The following RCOR1 variants were observed in gnomAD, a reference collection of about 807,000 sequenced individuals.
RCOR1 encodes the protein REST corepressor 1, also known as REST corepressor.
Under a neutral mutation model 64.0 loss-of-function variants are expected in RCOR1, and 12 were observed. The observed-to-expected ratio is 0.19, with a 90% CI of 0.12 to 0.30. The LOEUF is 0.30. Ranked by LOEUF, RCOR1 falls within the 10% of genes least tolerant of loss-of-function variation. The probability of loss-of-function intolerance (pLI) is 1.00; values close to 1 mark genes in which losing one functional copy is unlikely to be tolerated. For synonymous variants in RCOR1, 279 were observed against 227.2 expected (o/e 1.23, Z -2.05); for missense variants, 502 against 621.2 (o/e 0.81, Z 2.04).
chr14:102,618,443 C>A (rs751848967), intron 2 of RCOR1, among the ~76,000 whole-genome samples: 10 of 151,692 alleles, frequency 6.6e-5, no homozygotes, highest in Non-Finnish European at 1.3e-4. Context: ...GAGACCATGT[C>A]TTCAGGGGGA....
chr14:102,619,192 G>A (rs1893822545), intron 2 of RCOR1, among the ~76,000 whole-genome samples: 1 of 151,682 alleles, frequency 6.6e-6, no homozygotes, highest in South Asian at 2.1e-4. Context: ...TGCAATCTTG[G>A]TTCATTGCAA....
intron 7 of RCOR1, among the ~76,000 whole-genome samples, chr14:102,712,014 T>C (rs1895970395): frequency 6.6e-6 from 1 of 151,900 alleles, no homozygotes. Context: ...ATTTTTTTTT[T>C]CTCTTTTTTC....
rs951660698 is a variant in RCOR1, at chr14:102,657,827, G to C, written c.362-24068G>C. 145 of 900,830 alleles carry C rather than the reference G, an allele frequency of 1.6e-4. No individual in the cohort carries two copies. In the Admixed American group the frequency reaches 2.2e-3, roughly 14 times the overall value. The allele number at this position is 900,830 out of a possible 1,614,324, so 55.8% of individuals were successfully genotyped here. ...CACTCCAGCCTGGGCGACAGAGTGA[G>C]ACTCCGTCTCAAAAAAAAAAAAAAA... On this transcript the variant is annotated intron_variant, in intron 2 of 11. Coordinates refer to ENST00000262241, the MANE Select transcript of RCOR1 (RefSeq NM_015156.4).
At chr14:102,685,923 A>G (rs1313067819) in intron 3 of RCOR1, among the ~76,000 whole-genome samples, 3 of 151,958 alleles carry the variant, frequency 2.0e-5, no homozygotes, top group African/African-American at 7.2e-5. Flanking sequence ...TCTCCCCTCT[A>G]TTAAAAAAAA....
chr14:102,652,036 GTTTA>G (rs763034368), intron 2 of RCOR1, among the ~76,000 whole-genome samples: 2 of 152,242 alleles, frequency 1.3e-5, no homozygotes, highest in Admixed American at 6.5e-5. Context: ...TTTTATTTTT[GTTTA>G]TTTAATTTGC....
At chr14:102,618,904 A>G (rs1419067244) in intron 2 of RCOR1, among the ~76,000 whole-genome samples, 1 of 152,122 alleles carries the variant, frequency 6.6e-6, no homozygotes, top group East Asian at 1.9e-4. Context: ...AGTGAAGGAA[A>G]GACATTTCAG....
rs1332671139 is a variant in RCOR1, at chr14:102,653,975, C to CT, written c.362-27917dup. On this transcript the variant is annotated intron_variant, in intron 2 of 11. Transcript: ENST00000262241. ...TCTTTCTTTCTTTCTTTCTTTCTTT[C>CT]TTTCTTTCTTTTTTTTTTTTTTTTT... 1.3e-4 allele frequency among the ~76,000 whole-genome samples: 4 copies of CT among 30,292 alleles called. 1 individual carries two copies. Among genetic ancestry groups the CT allele is most frequent in the African/African-American group, 8.6e-4 (4 of 4,630 alleles). The allele number at this position is 30,292 out of a possible 152,430, so 19.9% of individuals were successfully genotyped here. A position where few individuals can be genotyped will look rare whatever the true frequency, so the allele number is the denominator to read the frequency against.
chr14:102,677,948 C>G (rs1173715806), intron 2 of RCOR1, among the ~76,000 whole-genome samples: 1 of 151,764 alleles, frequency 6.6e-6, no homozygotes, highest in East Asian at 2.0e-4. Context: ...TCTGCAATCC[C>G]GGCACCTCGG....
intron 2 of RCOR1, among the ~76,000 whole-genome samples, chr14:102,652,311 A>C (rs1369022480): frequency 6.6e-6 from 1 of 152,214 alleles, no homozygotes; most frequent in Non-Finnish European, 1.5e-5. Flanking sequence ...CAGGACTGTT[A>C]TGCTACACCA....
At chr14:102,685,128 T>C (rs989808381) in intron 3 of RCOR1, among the ~76,000 whole-genome samples, 22 of 152,006 alleles carry the variant, frequency 1.4e-4, no homozygotes, top group Non-Finnish European at 2.9e-5. Context: ...TTCTGCCTCT[T>C]AGGGTTACTG....
chr14:102,703,546 T>C (rs1895789437), intron 4 of RCOR1, among the ~76,000 whole-genome samples: 1 of 152,198 alleles, frequency 6.6e-6, no homozygotes, highest in South Asian at 2.1e-4. Context: ...GGCAATGGTC[T>C]GATATATTCA....
intron 2 of RCOR1, among the ~76,000 whole-genome samples, chr14:102,611,183 T>C (rs1156617661): frequency 1.3e-5 from 2 of 152,142 alleles, no homozygotes; most frequent in Non-Finnish European, 2.9e-5. Context: ...GCGATTCTCC[T>C]GTCTCAGCCT....
intron 6 of RCOR1, 37 bp from the exon 7 acceptor site, chr14:102,710,898 C>T (rs1337826435): frequency 6.8e-7 from 1 of 1,461,634 alleles, no homozygotes; most frequent in Admixed American, 2.0e-5. Context: ...AAAATTAGTA[C>T]AAAATAATCA....
intron 2 of RCOR1, among the ~76,000 whole-genome samples, chr14:102,617,961 CT>C (rs869074425): frequency 7.0e-4 from 95 of 135,428 alleles, no homozygotes; most frequent in African/African-American, 2.3e-3. Flanking sequence ...ACATAAGTTT[CT>C]TTTTTTTTTC....
intron 2 of RCOR1, among the ~76,000 whole-genome samples, chr14:102,660,827 C>T (rs550244116): frequency 6.6e-6 from 1 of 152,044 alleles, no homozygotes; most frequent in Non-Finnish European, 1.5e-5. Context: ...TAATTTTCAT[C>T]CTTTCATCTA....
chr14:102,730,500 T>C lies in RCOR1; in HGVS notation c.*3994T>C, dbSNP rs561148782. 6.5e-6 allele frequency: 1 copy of C among 153,108 alleles called. No homozygotes were observed. Among genetic ancestry groups the C allele is most frequent in the South Asian group, 2.1e-4 (1 of 4,824 alleles). 9.5% of individuals were successfully genotyped at this position (153,108 alleles called of 1,614,324 possible). A position where few individuals can be genotyped will look rare whatever the true frequency, so the allele number is the denominator to read the frequency against. ...ATTTGTGAAATTCTGCAGAATTCAT[T>C]TTTCTATTTCCAATATTTGCTGAGG... On this transcript the variant is annotated 3_prime_UTR_variant, in exon 12 of 12. Coordinates refer to ENST00000262241, the MANE Select transcript of RCOR1 (RefSeq NM_015156.4).
intron 3 of RCOR1, among the ~76,000 whole-genome samples, chr14:102,699,645 GT>G (rs1344965340): frequency 6.6e-6 from 1 of 152,046 alleles, no homozygotes; most frequent in Non-Finnish European, 1.5e-5. Flanking sequence ...CTCTGAGCCT[GT>G]TTTCTCTAAG....
At chr14:102,600,797 C>T (rs2139879344) in intron 2 of RCOR1, among the ~76,000 whole-genome samples, 1 of 151,698 alleles carries the variant, frequency 6.6e-6, no homozygotes, top group South Asian at 2.1e-4. Flanking sequence ...GTCTCGATCT[C>T]CTGACCTCGT....
chr14:102,682,119 AT>A, intron 3 of RCOR1, 141 bp downstream of exon 3: 1 of 536,968 alleles, frequency 1.9e-6, no homozygotes, highest in Non-Finnish European at 3.2e-6. Flanking sequence ...TAAAGTGTAT[AT>A]TTCTTTTTTT....
Sources: gnomAD v4.1 joint callset for allele counts (sites outside exome capture counted in the v4.1 genomes callset) on GRCh38, gnomAD v4.1.1 for gene constraint, MANE v1.5 for transcripts, NCBI Gene and HGNC (gene_info 2026-07-23, HGNC 2026-07-21) for gene names.